PTPRM: variants seen among roughly 807,000 people sequenced by gnomAD.
PTPRM encodes the protein protein tyrosine phosphatase receptor type M.
A neutral mutation model predicts 186.7 loss-of-function variants in PTPRM; 47 were observed. The observed-to-expected ratio is 0.25, with a 90% CI of 0.20 to 0.32. The LOEUF is 0.32. Among genes scored for constraint, PTPRM ranks in the 10% least tolerant of loss-of-function variants. The pLI, the probability that PTPRM is intolerant of heterozygous loss-of-function variation, is 1.00. For missense variants in PTPRM, 1,494 were observed against 1,865.0 expected, an observed-to-expected ratio of 0.80 and a Z score of 3.66; for synonymous variants, 668 against 674.9, an observed-to-expected ratio of 0.99 and a Z score of 0.16.
intron 1 of PTPRM, among the ~76,000 whole-genome samples, chr18:7,583,731 C>T (rs928193286): frequency 7.9e-5 from 12 of 152,164 alleles, no homozygotes; most frequent in African/African-American, 2.7e-4. Flanking sequence ...TTACAAATCC[C>T]GTAGATAGAA....
intron 14 of PTPRM, among the ~76,000 whole-genome samples, chr18:8,216,690 G>C (rs1393456351): frequency 6.6e-6 from 1 of 152,164 alleles, no homozygotes; most frequent in Non-Finnish European, 1.5e-5. Context: ...TACTCTCTCT[G>C]AGACATATGG....
At position 8,253,341 on chromosome 18, in the gene PTPRM, G is replaced by A. The variant is rs369286288; in HGVS notation, c.2681G>A (p.Arg894Gln). ...YQTGQLHPAIRVADLLQHITQ... is the reference protein window; with the variant it reads ...YQTGQLHPAIQVADLLQHITQ... Reference sequence around the variant, plus strand: ...ACTGGGCAGCTCCACCCCGCCATCCGGGTGGCAGACCTCCTTCAGCACATC... The same window carrying A: ...ACTGGGCAGCTCCACCCCGCCATCCAGGTGGCAGACCTCCTTCAGCACATC... The change falls in exon 19 of 33, where the codon CGG (arginine) becomes CAG (glutamine). Residue 894 changes from arginine to glutamine, a missense_variant. Arg to Gln is a conservative substitution (Grantham distance 43, BLOSUM62 1). This residue lies in a region of PTPRM where 1,107 missense variants were observed against 1,350.2 expected (regional missense o/e 0.82). Coordinates refer to ENST00000580170, the MANE Select transcript of PTPRM (RefSeq NM_001105244.2). 8.8e-6 allele frequency: 14 copies of A among 1,597,560 alleles called. No homozygotes were observed. Among genetic ancestry groups the A allele is most frequent in the East Asian group, 2.3e-5 (1 of 43,244 alleles).
intron 20 of PTPRM, among the ~76,000 whole-genome samples, chr18:8,298,605 G>T (rs1008182115): frequency 6.6e-6 from 1 of 152,164 alleles, no homozygotes; most frequent in Non-Finnish European, 1.5e-5. Flanking sequence ...ACTTACATAT[G>T]CCAGACACTA....
chr18:7,675,611 T>A (rs1280833178), intron 1 of PTPRM, among the ~76,000 whole-genome samples: 3 of 152,200 alleles, frequency 2.0e-5, no homozygotes, highest in Non-Finnish European at 4.4e-5. Context: ...TCTCACTTGG[T>A]TGGGTTCTGC....
intron 2 of PTPRM, among the ~76,000 whole-genome samples, chr18:7,834,311 T>C (rs1169617527): frequency 1.3e-5 from 2 of 151,034 alleles, no homozygotes; most frequent in Non-Finnish European, 2.9e-5. Flanking sequence ...TTTAATGTAT[T>C]GTTGAATTCA....
intron 13 of PTPRM, among the ~76,000 whole-genome samples, chr18:8,120,554 G>A (rs372405414): frequency 1.4e-5 from 2 of 147,938 alleles, no homozygotes; most frequent in Non-Finnish European, 3.0e-5. Context: ...GTGTAGTGGC[G>A]CGATCTCTGC....
At chr18:7,960,450 CATATATATATATATAT>C (rs71354579) in intron 7 of PTPRM, among the ~76,000 whole-genome samples, 2 of 120,576 alleles carry the variant, frequency 1.7e-5, no homozygotes, top group Non-Finnish European at 3.3e-5. Flanking sequence ...ATATAGGCAA[CATATATATATATATAT>C]ATATATATAT....
intron 1 of PTPRM, among the ~76,000 whole-genome samples, chr18:7,618,723 A>G (rs2037866086): frequency 1.3e-5 from 2 of 152,118 alleles, no homozygotes; most frequent in African/African-American, 2.4e-5. Context: ...GACATTTAAG[A>G]TGCGTGCTAT....
chr18:8,014,694 A>G (rs978406408), intron 7 of PTPRM, among the ~76,000 whole-genome samples: 1 of 152,240 alleles, frequency 6.6e-6, no homozygotes, highest in East Asian at 1.9e-4. Context: ...ACAAGAATAA[A>G]TTAAGAAGGA....
chr18:7,653,262 T>G (rs2144304314), intron 1 of PTPRM, among the ~76,000 whole-genome samples: 1 of 152,076 alleles, frequency 6.6e-6, no homozygotes, highest in South Asian at 2.1e-4. Context: ...TCCTCCCAGG[T>G]CAGCCTCCCA....
At chr18:7,809,034 AATTTAATTC>A (rs545687783) in intron 2 of PTPRM, among the ~76,000 whole-genome samples, 339 of 152,258 alleles carry the variant, frequency 2.2e-3, no homozygotes, top group African/African-American at 7.8e-3. Flanking sequence ...TTTCCCCATG[AATTTAATTC>A]TCAGCAGTCA....
At chr18:7,683,975 T>A (rs1223578623) in intron 1 of PTPRM, among the ~76,000 whole-genome samples, 1 of 152,166 alleles carries the variant, frequency 6.6e-6, no homozygotes, top group Non-Finnish European at 1.5e-5. Context: ...TTCAAGGCTA[T>A]CTGCCTGCCT....
intron 1 of PTPRM, among the ~76,000 whole-genome samples, chr18:7,631,423 A>G (rs1024714013): frequency 6.6e-6 from 1 of 150,874 alleles, no homozygotes; most frequent in African/African-American, 2.4e-5. Flanking sequence ...TGCTGTAATA[A>G]CACATTTACG....
intron 1 of PTPRM, among the ~76,000 whole-genome samples, chr18:7,705,949 T>TTATA (rs373714405): frequency 2.0e-5 from 3 of 146,730 alleles, no homozygotes; most frequent in East Asian, 2.0e-4. Context: ...CTATAGTGAT[T>TTATA]TATATATATA....
chr18:7,890,241 C>T lies in PTPRM; in HGVS notation c.468+1864C>T, dbSNP rs552642378. On this transcript the variant is annotated intron_variant, in intron 3 of 32. Transcript: ENST00000580170. ...GACAGGAGCCAGCTGGAACATGCAT[C>T]TAAGATCATTTTTCATGTTTAATTG... Among the ~76,000 whole-genome samples, 4 of 152,276 alleles carry T rather than the reference C, an allele frequency of 2.6e-5. No homozygotes were observed. In the East Asian group the frequency reaches 5.8e-4, roughly 22 times the overall value.
At chr18:7,614,518 A>G (rs887975898) in intron 1 of PTPRM, among the ~76,000 whole-genome samples, 1 of 152,246 alleles carries the variant, frequency 6.6e-6, no homozygotes, top group Non-Finnish European at 1.5e-5. Context: ...GATCATAAAA[A>G]GAACAAAATA....
intron 1 of PTPRM, among the ~76,000 whole-genome samples, chr18:7,570,802 C>T (rs1172513966): frequency 6.6e-6 from 1 of 152,098 alleles, no homozygotes; most frequent in Non-Finnish European, 1.5e-5. Context: ...GTTAATTAAC[C>T]ATTTCTGGAG....
At chr18:8,316,988 G>A (rs1213294852) in intron 21 of PTPRM, among the ~76,000 whole-genome samples, 3 of 152,126 alleles carry the variant, frequency 2.0e-5, no homozygotes, top group African/African-American at 4.8e-5. Flanking sequence ...ATGGTGTATG[G>A]GGGCCTGCGG....
At chr18:7,712,430 T>C (rs1170918722) in intron 1 of PTPRM, among the ~76,000 whole-genome samples, 1 of 151,994 alleles carries the variant, frequency 6.6e-6, no homozygotes, top group African/African-American at 2.4e-5. Context: ...GGCTGAAAAT[T>C]GCAAAAACTG....
Sources: allele counts gnomAD v4.1 joint callset (sites outside exome capture counted in the v4.1 genomes callset), GRCh38; gene constraint gnomAD v4.1.1; regional missense constraint gnomAD v4.1.1; transcripts MANE v1.5; gene names NCBI Gene and HGNC (gene_info 2026-07-23, HGNC 2026-07-21).